GFPT1: variants seen among roughly 807,000 people sequenced by gnomAD.
GFPT1 encodes the protein glutamine--fructose-6-phosphate aminotransferase [isomerizing] 1.
Under a neutral mutation model 92.0 loss-of-function variants are expected in GFPT1, and 40 were observed. The observed-to-expected ratio is 0.43, with a 90% CI of 0.34 to 0.57. GFPT1 has a LOEUF of 0.57. GFPT1 is among the 20% of genes least tolerant of loss of function. The pLI is 0.02. For synonymous variants in GFPT1, 269 were observed against 280.6 expected (o/e 0.96, Z 0.41); for missense variants, 448 against 869.1 (o/e 0.52, Z 6.09).
intron 2 of GFPT1, among the ~76,000 whole-genome samples, chr2:69,371,803 C>G (rs544477631): frequency 6.6e-6 from 1 of 151,722 alleles, no homozygotes; most frequent in Non-Finnish European, 1.5e-5. Flanking sequence ...TGCCACTGCA[C>G]TCCAGGCTGG....
intron 7 of GFPT1, 26 bp downstream of exon 7, chr2:69,356,470 T>C (rs1480584692): frequency 8.7e-6 from 13 of 1,493,514 alleles, no homozygotes; most frequent in African/African-American, 2.8e-5. Flanking sequence ...TTGAAATACA[T>C]TAGTCATTGT....
At position 69,369,996 on chromosome 2, in the gene GFPT1, G is replaced by A. The variant is rs200631666; in HGVS notation, c.223+5C>T. ...AGGGGACAAAAATCAAATTAAGTAC[G>A]TTACTGTGAACTTCTTCATCCAGTG... On this transcript the variant is annotated splice_donor_5th_base_variant and intron_variant, in intron 3 of 19. Transcript: ENST00000357308. 829 of 1,474,526 alleles carry A rather than the reference G, an allele frequency of 5.6e-4. 8 individuals carry two copies. The South Asian group carries it at 5.7e-3, about 10-fold the overall frequency. 91.3% of individuals were successfully genotyped at this position (1,474,526 alleles called of 1,614,324 possible). A position where few individuals can be genotyped will look rare whatever the true frequency, so the allele number is the denominator to read the frequency against.
At chr2:69,372,569 C>T (rs1288329281) in intron 2 of GFPT1, among the ~76,000 whole-genome samples, 3 of 150,526 alleles carry the variant, frequency 2.0e-5, no homozygotes, top group African/African-American at 4.9e-5. Flanking sequence ...CAAGACTCAC[C>T]TCAAAAAAAA....
intron 1 of GFPT1, among the ~76,000 whole-genome samples, chr2:69,382,459 C>T (rs1441126871): frequency 2.0e-5 from 3 of 152,250 alleles, no homozygotes; most frequent in South Asian, 4.1e-4. Flanking sequence ...TACTTGCAGC[C>T]CTCCTCCTAA....
At chr2:69,346,665 G>C (rs1671090325) in intron 11 of GFPT1, among the ~76,000 whole-genome samples, 1 of 152,050 alleles carries the variant, frequency 6.6e-6, no homozygotes, top group Admixed American at 6.6e-5. Flanking sequence ...ATGGATTGTA[G>C]TATGGATTAA....
At chr2:69,363,702 T>C in intron 3 of GFPT1, 32 bp from the exon 4 acceptor site, 1 of 1,462,826 alleles carries the variant, frequency 6.8e-7, no homozygotes, top group Non-Finnish European at 9.6e-7. Flanking sequence ...ATTTCAATAT[T>C]AAATCATGCT....
rs1670444086 is a variant in GFPT1, at chr2:69,322,677, C to G, written c.*3512G>C. On this transcript the variant is annotated 3_prime_UTR_variant, in exon 20 of 20. Transcript: ENST00000357308. Reference sequence around the variant, plus strand: ...AACCTGTAATAGCTCTCTTAACCAACAGCCCCATCTGCACATCACCAAGCA... The same window carrying G: ...AACCTGTAATAGCTCTCTTAACCAAGAGCCCCATCTGCACATCACCAAGCA... The G allele has an allele frequency of 6.6e-6, 1 of 152,252 alleles. No individual in the cohort carries two copies. Among genetic ancestry groups the G allele is most frequent in the Admixed American group, 6.5e-5 (1 of 15,290 alleles). 9.4% of individuals were successfully genotyped at this position (152,252 alleles called of 1,614,324 possible). A position where few individuals can be genotyped will look rare whatever the true frequency, so the allele number is the denominator to read the frequency against.
Position 69,326,235 on chromosome 2 carries a change from T to C in GFPT1, c.2056-2A>G, listed in dbSNP as rs1226389884. The C allele has an allele frequency of 6.5e-7, 1 of 1,533,730 alleles. No homozygotes were observed. The stretch of plus-strand genomic sequence containing the variant: ...GGCAAGATTCCGTGGGAAATCAACC[T>C]GCAAAAAGAAAAAAAAAAAAAGCAA... On this transcript the variant is annotated splice_acceptor_variant, in intron 19 of 19. Transcript: ENST00000357308. LOFTEE classifies it high-confidence loss of function.
At chr2:69,335,182 T>A (rs1254580449) in intron 15 of GFPT1, among the ~76,000 whole-genome samples, 1 of 151,980 alleles carries the variant, frequency 6.6e-6, no homozygotes, top group African/African-American at 2.4e-5. Flanking sequence ...AATTTTTGTA[T>A]TTTTTATAGA....
chr2:69,376,111 T>C (rs746395207), intron 1 of GFPT1, among the ~76,000 whole-genome samples: 3 of 152,242 alleles, frequency 2.0e-5, no homozygotes, highest in African/African-American at 4.8e-5. Context: ...GGGTCACTGA[T>C]CTTTGAGAAA....
chr2:69,384,693 C>CAAAAA (rs71964630), intron 1 of GFPT1, among the ~76,000 whole-genome samples: 37 of 106,538 alleles, frequency 3.5e-4, no homozygotes, highest in Non-Finnish European at 4.0e-4. Flanking sequence ...GGCCCCGTCA[C>CAAAAA]AAAAAAAAAA....
chr2:69,341,076 A>G lies in GFPT1; in HGVS notation c.1203+1076T>C, dbSNP rs1170738931. Among the ~76,000 whole-genome samples, 4 of 151,424 alleles carry G rather than the reference A, an allele frequency of 2.6e-5. No homozygotes were observed. In the South Asian group the frequency reaches 6.2e-4, roughly 24 times the overall value. On this transcript the variant is annotated intron_variant, in intron 13 of 19. Coordinates refer to ENST00000357308, the MANE Select transcript of GFPT1 (RefSeq NM_001244710.2). ...TGGACTCAAGCGATCCTCCTGCCTC[A>G]GCCTCCCAAGTAGCTAGGACTACAG... is the stretch of plus-strand genomic sequence containing the variant.
chr2:69,326,813 T>TA, intron 19 of GFPT1, 101 bp downstream of exon 19: 1 of 1,116,974 alleles, frequency 9.0e-7, no homozygotes, highest in Non-Finnish European at 1.4e-6. Context: ...ATATATTTGA[T>TA]AGATTTCTCA....
rs1250066231 is a variant in GFPT1 at position 69,370,059 on chromosome 2, G to C, written c.165C>G (p.Cys55Trp). ...CTTTCTTCTTAATAAGCTGGATTTTGCAGGCATTGGCTTCCCAATCTTTAT... is the reference window on the plus strand; with the variant it reads ...CTTTCTTCTTAATAAGCTGGATTTTCCAGGCATTGGCTTCCCAATCTTTAT... ...GNDKDWEANA[C>W]KIQLIKKKGK... is the part of the protein sequence containing the mutation. Residue 55 changes from cysteine (C) to tryptophan (W), a missense_variant, in exon 3 of 20, where the codon TGC becomes TGG. By Grantham distance (215) the Cys-to-Trp change is radical (BLOSUM62 -2). Coordinates refer to ENST00000357308, the MANE Select transcript of GFPT1 (RefSeq NM_001244710.2). 1.9e-6 allele frequency: 3 copies of C among 1,611,664 alleles called. No individual in the cohort carries two copies. The highest frequency in any genetic ancestry group is 2.5e-6 in the Non-Finnish European group (3 of 1,177,822).
At position 69,367,166 on chromosome 2, in the gene GFPT1, G is replaced by C. The variant is rs146584513; in HGVS notation, c.223+2835C>G. ...AAGTTGACACAGTCTTACTATTCAT[G>C]CCTTTTAAACTATGATTATGTTAAC... is the stretch of plus-strand genomic sequence containing the variant. On this transcript the variant is annotated intron_variant, in intron 3 of 19. Transcript: ENST00000357308. Among the ~76,000 whole-genome samples the C allele has an allele frequency of 2.9e-3, 444 of 152,208 alleles. 3 individuals carry two copies. Among genetic ancestry groups the C allele is most frequent in the African/African-American group, 8.4e-3 (349 of 41,510 alleles).
Position 69,326,800 on chromosome 2 carries a change from G to C in GFPT1, c.2055+114C>G. On this transcript the variant is annotated intron_variant, in intron 19 of 19. Transcript: ENST00000357308. ...GGCCATGAAAATATAACAGGTGACA[G>C]ATATATATTTGATAGATTTCTCAAA... 49 of 995,148 alleles carry C rather than the reference G, an allele frequency of 4.9e-5. 1 individual carries two copies. The South Asian group carries it at 6.4e-4, about 13-fold the overall frequency. 61.6% of individuals were successfully genotyped at this position (995,148 alleles called of 1,614,324 possible).
At chr2:69,353,652 C>T (rs1311973625) in intron 9 of GFPT1, among the ~76,000 whole-genome samples, 3 of 151,850 alleles carry the variant, frequency 2.0e-5, no homozygotes, top group Non-Finnish European at 4.4e-5. Context: ...TATGACCATA[C>T]CACTGCACTG....
chr2:69,387,061 T>G lies in GFPT1; in HGVS notation c.7+4A>C. The G allele has an allele frequency of 6.5e-7, 1 of 1,535,920 alleles. No individual in the cohort carries two copies. The highest frequency in any genetic ancestry group is 8.7e-7 in the Non-Finnish European group (1 of 1,145,076). ...AACACGCCCCCCGCTCCCGGCCCCC[T>G]TACCACACATGATGCCGGAGACACG... is the stretch of plus-strand genomic sequence containing the variant. On this transcript the variant is annotated splice_donor_region_variant and intron_variant, in intron 1 of 19. Transcript: ENST00000357308.
chr2:69,347,627 G>A (rs867489634), intron 11 of GFPT1, among the ~76,000 whole-genome samples: 7 of 151,980 alleles, frequency 4.6e-5, no homozygotes, highest in African/African-American at 9.6e-5. Flanking sequence ...ACAGGCATGC[G>A]CCACCACACC....
Sources: gnomAD v4.1 joint callset for allele counts (sites outside exome capture counted in the v4.1 genomes callset) on GRCh38, gnomAD v4.1.1 for gene constraint, MANE v1.5 for transcripts, NCBI Gene and HGNC (gene_info 2026-07-23, HGNC 2026-07-21) for gene names.